The following NXPE2 variants were observed in gnomAD, a reference collection of about 807,000 sequenced individuals.
The protein encoded by NXPE2 is neurexophilin and PC-esterase domain family member 2, also known as NXPE family member 2.
In NXPE2, 34 loss-of-function variants were observed where a neutral mutation model predicts 34.4. That is an observed-to-expected ratio of 0.99 (90% CI 0.75 to 1.31). The LOEUF is 1.31. NXPE2 is among the 40% of genes most tolerant of loss of function. The pLI is 0.00. For synonymous variants in NXPE2, 235 were observed against 231.3 expected, an observed-to-expected ratio of 1.02 and a Z score of -0.15; for missense variants, 649 against 672.5, an observed-to-expected ratio of 0.97 and a Z score of 0.39.
the NXPE2 span, among the ~76,000 whole-genome samples, chr11:114,661,200 A>G: frequency 6.6e-6 from 1 of 152,208 alleles, no homozygotes; most frequent in Non-Finnish European, 1.5e-5. Flanking sequence ...AGATTCAATA[A>G]AATTCAAATC....
chr11:114,722,490 T>C, the NXPE2 span, among the ~76,000 whole-genome samples: 1 of 152,182 alleles, frequency 6.6e-6, no homozygotes, highest in East Asian at 1.9e-4. Context: ...TAATACACTA[T>C]TTACGTTTAA....
the NXPE2 span, among the ~76,000 whole-genome samples, chr11:114,739,331 CCTTCCTTCCCCCCTTCCTCT>C: frequency 4.4e-5 from 2 of 45,260 alleles, no homozygotes; most frequent in Non-Finnish European, 1.0e-4. Flanking sequence ...TTCCTTCCTT[CCTTCCTTCCCCCCTTCCTCT>C]CTCCCTCCCT....
chr11:114,598,417 T>C, the NXPE2 span, among the ~76,000 whole-genome samples: 1 of 152,234 alleles, frequency 6.6e-6, no homozygotes, highest in Non-Finnish European at 1.5e-5. Context: ...GTGGGGACTC[T>C]GTGTGGGGGC....
At chr11:114,755,228 T>C in the NXPE2 span, among the ~76,000 whole-genome samples, 1 of 152,204 alleles carries the variant, frequency 6.6e-6, no homozygotes, top group Non-Finnish European at 1.5e-5. Flanking sequence ...TGTGGAGAGA[T>C]GATGCCTTCA....
the NXPE2 span, among the ~76,000 whole-genome samples, chr11:114,531,910 C>T: frequency 3.3e-5 from 5 of 152,248 alleles, no homozygotes; most frequent in Middle Eastern, 3.4e-3. Context: ...TCAGAAACAC[C>T]GGCCAAGCTT....
the NXPE2 span, among the ~76,000 whole-genome samples, chr11:114,518,887 A>G: frequency 6.9e-6 from 1 of 144,502 alleles, no homozygotes; most frequent in Non-Finnish European, 1.5e-5. Flanking sequence ...TTACATATTC[A>G]TGCTATAAAG....
chr11:114,489,186 A>G, the NXPE2 span, among the ~76,000 whole-genome samples: 1 of 152,208 alleles, frequency 6.6e-6, no homozygotes, highest in Admixed American at 6.5e-5. Context: ...GAATAGACCA[A>G]TAACAGGCTC....
At chr11:114,495,862 G>A in the NXPE2 span, among the ~76,000 whole-genome samples, 1 of 152,146 alleles carries the variant, frequency 6.6e-6, no homozygotes. Flanking sequence ...CTATCCTACT[G>A]TGGCTCATCT....
At chr11:114,653,984 G>T in the NXPE2 span, among the ~76,000 whole-genome samples, 28 of 152,102 alleles carry the variant, frequency 1.8e-4, no homozygotes, top group African/African-American at 5.8e-4. Flanking sequence ...ATACTTGGAA[G>T]GAAGGCATAC....
At chr11:114,718,684 G>C in the NXPE2 span, among the ~76,000 whole-genome samples, 2 of 152,240 alleles carry the variant, frequency 1.3e-5, no homozygotes, top group East Asian at 3.9e-4. Context: ...GGTCAAATAT[G>C]GGACAATTTG....
chr11:114,760,942 T>G, the NXPE2 span, among the ~76,000 whole-genome samples: 1 of 152,142 alleles, frequency 6.6e-6, no homozygotes, highest in Non-Finnish European at 1.5e-5. Context: ...GCCTAATCAC[T>G]TTATTAAATG....
the NXPE2 span, among the ~76,000 whole-genome samples, chr11:114,601,669 T>TA: frequency 2.5e-5 from 1 of 40,412 alleles, no homozygotes; most frequent in African/African-American, 1.2e-4. Context: ...AATAATTATA[T>TA]ATTATAATTA....
At chr11:114,559,839 C>T in the NXPE2 span, 1 of 152,428 alleles carries the variant, frequency 6.6e-6, no homozygotes, top group Non-Finnish European at 1.5e-5. Context: ...TGGAAAAGTA[C>T]CTGTGAGTTC....
chr11:114,803,180 T>C, the NXPE2 span, among the ~76,000 whole-genome samples: 1 of 152,214 alleles, frequency 6.6e-6, no homozygotes, highest in African/African-American at 2.4e-5. Context: ...GATTCCAGCC[T>C]GGGCCTGTTC....
chr11:114,805,644 G>A, the NXPE2 span, among the ~76,000 whole-genome samples: 1 of 152,212 alleles, frequency 6.6e-6, no homozygotes, highest in Non-Finnish European at 1.5e-5. Context: ...TTGGGGGAGG[G>A]GCGCCTGCCA....
At chr11:114,782,999 G>A in the NXPE2 span, among the ~76,000 whole-genome samples, 2 of 152,308 alleles carry the variant, frequency 1.3e-5, no homozygotes, top group East Asian at 1.9e-4. Flanking sequence ...TGTTAAAAAC[G>A]CATAACTCGA....
At chr11:114,795,464 C>A in the NXPE2 span, among the ~76,000 whole-genome samples, 1 of 152,222 alleles carries the variant, frequency 6.6e-6, no homozygotes, top group African/African-American at 2.4e-5. Context: ...CCTGCCTATA[C>A]AACTTCATTT....
chr11:114,580,283 G>A, the NXPE2 span: 1 of 1,614,028 alleles, frequency 6.2e-7, no homozygotes, highest in Non-Finnish European at 8.5e-7. Flanking sequence ...CATGCCCACT[G>A]GGGATTGTGG....
chr11:114,610,755 G>A, the NXPE2 span, among the ~76,000 whole-genome samples: 6 of 151,812 alleles, frequency 4.0e-5, no homozygotes, highest in Non-Finnish European at 8.8e-5. Flanking sequence ...GATAATAAGT[G>A]TTGCCTTGTC....
Sources: allele counts gnomAD v4.1 joint callset (sites outside exome capture counted in the v4.1 genomes callset), GRCh38; gene constraint gnomAD v4.1.1; transcripts MANE v1.5; gene names NCBI Gene and HGNC (gene_info 2026-07-23, HGNC 2026-07-21).